The following PAQR9 variants were observed in gnomAD, a reference collection of about 807,000 sequenced individuals.
PAQR9 encodes the protein progestin and adipoQ receptor family member 9, also known as membrane progestin receptor epsilon.
Under a neutral mutation model 24.0 loss-of-function variants are expected in PAQR9, and 12 were observed. The ratio of observed to expected loss-of-function variants is 0.50; its 90% CI spans 0.32 to 0.81. The LOEUF (loss-of-function observed/expected upper bound fraction) is 0.81. Ranked by LOEUF, PAQR9 falls within the 30% of genes least tolerant of loss-of-function variation. The pLI, the probability that PAQR9 is intolerant of heterozygous loss-of-function variation, is 0.03. For synonymous variants in PAQR9, 266 were observed against 237.6 expected (o/e 1.12, Z -1.10); for missense variants, 418 against 520.8 (o/e 0.80, Z 1.92).
chr3:142,963,625 G>C lies in PAQR9; in HGVS notation c.-289C>G. 1 of 714,354 alleles carries C rather than the reference G, an allele frequency of 1.4e-6. No individual in the cohort carries two copies. Among genetic ancestry groups the C allele is most frequent in the Non-Finnish European group, 1.7e-6 (1 of 584,642 alleles). 44.3% of individuals were successfully genotyped at this position (714,354 alleles called of 1,614,324 possible). On this transcript the variant is annotated 5_prime_UTR_variant, in exon 1 of 1. Coordinates refer to ENST00000340634, the MANE Select transcript of PAQR9 (RefSeq NM_198504.4). ...CCGGCGCGCGGCCGCCCGCGCTGCG[G>C]CAGCGGCGGCGGCGCGGCTGACTGC... is the stretch of plus-strand genomic sequence containing the variant.
Position 142,962,917 on chromosome 3 carries a change from G to C in PAQR9, c.420C>G (p.His140Gln), listed in dbSNP as rs1934932191. Reference protein sequence around the residue: ...LLTFAMSCTAHVFSCLSLRLR... With the variant: ...LLTFAMSCTAQVFSCLSLRLR... ...GACGCAGCGACAGGCAGCTGAACAC[G>C]TGCGCCGTGCAGCTCATGGCGAAGG... The change falls in exon 1 of 1, where the codon CAC becomes CAG. Residue 140 changes from histidine to glutamine, a missense_variant. His to Gln is a conservative substitution (Grantham distance 24). Around this residue, in one of 3 missense-constraint regions of PAQR9, gnomAD observed 8 missense variants for 25.3 expected, o/e 0.32. Transcript: ENST00000340634. The C allele has an allele frequency of 6.2e-7, 1 of 1,613,850 alleles. No homozygotes were observed. The highest frequency in any genetic ancestry group is 1.3e-5 in the African/African-American group (1 of 75,068).
At position 142,962,352 on chromosome 3, in the gene PAQR9, C is replaced by T. The variant is rs754864265; in HGVS notation, c.985G>A (p.Val329Ile). The T allele has an allele frequency of 3.1e-6, 5 of 1,613,980 alleles. No individual in the cohort carries two copies. Among genetic ancestry groups the T allele is most frequent in the Non-Finnish European group, 4.2e-6 (5 of 1,180,034 alleles). The change falls in exon 1 of 1, where the codon GTA becomes ATA. Residue 329 changes from valine (V) to isoleucine (I), a missense_variant. By Grantham distance (29) the Val-to-Ile change is conservative. This residue lies in a region of PAQR9 where 230 missense variants were observed against 305.2 expected (regional missense o/e 0.75). Transcript: ENST00000340634. ...FLSIYDQVYY[V>I]EEGLRQFLQA... ...AGGAACTGGCGCAGGCCCTCTTCTA[C>T]GTAGTACACCTGGTCGTAGATGCTG...
rs140332180 is a variant in PAQR9, at chr3:142,957,930, G to A, written c.*4273C>T. Among the ~76,000 whole-genome samples, 6 of 152,266 alleles carry A rather than the reference G, an allele frequency of 3.9e-5. No homozygotes were observed. The highest frequency in any genetic ancestry group is 1.4e-4 in the African/African-American group (6 of 41,548). ...AAGAGACCCAAACTCAGGGACTTAC[G>A]GCATTCTACCTACAGCCAAGGTCAG... On this transcript the variant is annotated 3_prime_UTR_variant, in exon 1 of 1. Coordinates refer to ENST00000340634, the MANE Select transcript of PAQR9 (RefSeq NM_198504.4).
At position 142,962,915 on chromosome 3, in the gene PAQR9, A is replaced by G. The variant is rs750158325; in HGVS notation, c.422T>C (p.Val141Ala). ...CAGACGCAGCGACAGGCAGCTGAACACGTGCGCCGTGCAGCTCATGGCGAA... is the reference window on the plus strand; with the variant it reads ...CAGACGCAGCGACAGGCAGCTGAACGCGTGCGCCGTGCAGCTCATGGCGAA... ...LTFAMSCTAH[V>A]FSCLSLRLRA... The change falls in exon 1 of 1, where the codon GTG becomes GCG. Residue 141 changes from valine to alanine, a missense_variant. Physicochemically the swap from Val to Ala is moderately conservative, Grantham distance 64. Transcript: ENST00000340634. 11 of 1,613,878 alleles carry G rather than the reference A, an allele frequency of 6.8e-6. No individual in the cohort carries two copies. The South Asian group carries it at 1.2e-4, about 18-fold the overall frequency.
chr3:142,950,969 A>G (rs1286147762), downstream of PAQR9, among the ~76,000 whole-genome samples: 3 of 152,256 alleles, frequency 2.0e-5, no homozygotes, highest in Non-Finnish European at 4.4e-5. Context: ...AATACTCTTT[A>G]GTGAATTTTT....
At chr3:142,951,700 C>CAG (rs1934714241), downstream of PAQR9, 5 of 456,406 alleles carry the variant, frequency 1.1e-5, no homozygotes, top group South Asian at 7.7e-5. Context: ...CAGAAAGTGG[C>CAG]AGAACCAGGA....
At position 142,956,516 on chromosome 3, in the gene PAQR9, A is replaced by G. The variant is rs1218588615; in HGVS notation, c.*5687T>C. ...CAAGTGCATTACATTTAGAAGCACAATACATTGGGAAACATTCTCAAAAGC... is the reference window on the plus strand; with the variant it reads ...CAAGTGCATTACATTTAGAAGCACAGTACATTGGGAAACATTCTCAAAAGC... On this transcript the variant is annotated 3_prime_UTR_variant, in exon 1 of 1. Coordinates refer to ENST00000340634, the MANE Select transcript of PAQR9 (RefSeq NM_198504.4). 6.6e-6 allele frequency among the ~76,000 whole-genome samples: 1 copy of G among 152,250 alleles called. No individual in the cohort carries two copies. The highest frequency in any genetic ancestry group is 1.5e-5 in the Non-Finnish European group (1 of 68,050).
Position 142,960,970 on chromosome 3 carries a change from G to A in PAQR9, c.*1233C>T, listed in dbSNP as rs968708597. On this transcript the variant is annotated 3_prime_UTR_variant, in exon 1 of 1. Coordinates refer to ENST00000340634, the MANE Select transcript of PAQR9 (RefSeq NM_198504.4). ...ATATTATGTTTTTAATTTTAAGCAA[G>A]GATGGATGGCATCAGTCTAGAACTT... 1.3e-5 allele frequency: 2 copies of A among 152,226 alleles called. No homozygotes were observed. The highest frequency in any genetic ancestry group is 2.4e-5 in the African/African-American group (1 of 41,448). The allele number at this position is 152,226 out of a possible 1,614,324, so 9.4% of individuals were successfully genotyped here. A position where few individuals can be genotyped will look rare whatever the true frequency, so the allele number is the denominator to read the frequency against.
rs886742566 is a variant in PAQR9, at chr3:142,960,031, T to G, written c.*2172A>C. On this transcript the variant is annotated 3_prime_UTR_variant, in exon 1 of 1. Coordinates refer to ENST00000340634, the MANE Select transcript of PAQR9 (RefSeq NM_198504.4). ...ATTAAGTTACAGCTGAGGAATAACA[T>G]CTGTTGTAAGTACAAATTAGCCTCT... is the stretch of plus-strand genomic sequence containing the variant. Among the ~76,000 whole-genome samples, 4 of 152,212 alleles carry G rather than the reference T, an allele frequency of 2.6e-5. No individual in the cohort carries two copies. The highest frequency in any genetic ancestry group is 4.8e-5 in the African/African-American group (2 of 41,444).
rs1041988930 is a variant in PAQR9 at position 142,959,459 on chromosome 3, A to G, written c.*2744T>C. ...GAAGCCAAACCAGTTTTCAACTAGAATGTCCTCTTGTCATTATTATATGTG... is the reference window on the plus strand; with the variant it reads ...GAAGCCAAACCAGTTTTCAACTAGAGTGTCCTCTTGTCATTATTATATGTG... On this transcript the variant is annotated 3_prime_UTR_variant, in exon 1 of 1. Transcript: ENST00000340634. 1.1e-4 allele frequency among the ~76,000 whole-genome samples: 17 copies of G among 152,220 alleles called. No homozygotes were observed. Among genetic ancestry groups the G allele is most frequent in the African/African-American group, 3.9e-4 (16 of 41,454 alleles).
chr3:142,957,264 G>A lies in PAQR9; in HGVS notation c.*4939C>T, dbSNP rs1033706236. 2.0e-5 allele frequency among the ~76,000 whole-genome samples: 3 copies of A among 152,138 alleles called. No individual in the cohort carries two copies. The highest frequency in any genetic ancestry group is 3.2e-3 in the Middle Eastern group (1 of 316). The stretch of plus-strand genomic sequence containing the variant: ...AACAGAATTCCTTGCCTGTCTACTC[G>A]AACACTAACACCCTGGGAGTTCACA... On this transcript the variant is annotated 3_prime_UTR_variant, in exon 1 of 1. Coordinates refer to ENST00000340634, the MANE Select transcript of PAQR9 (RefSeq NM_198504.4).
In PAQR9 at chr3:142,959,012, CTA is replaced by C. The variant is rs1424927517; in HGVS notation, c.*3189_*3190del. Among the ~76,000 whole-genome samples, 1 of 152,156 alleles carries C rather than the reference CTA, an allele frequency of 6.6e-6. No homozygotes were observed. Among genetic ancestry groups the C allele is most frequent in the Non-Finnish European group, 1.5e-5 (1 of 68,040 alleles). On this transcript the variant is annotated 3_prime_UTR_variant, in exon 1 of 1. Coordinates refer to ENST00000340634, the MANE Select transcript of PAQR9 (RefSeq NM_198504.4). ...ACACCTTCATTTTCCAGGCATGACTCTATGGCGCCGCTCCTTGAGATGTCATC... is the reference window on the plus strand; with the variant it reads ...ACACCTTCATTTTCCAGGCATGACTCTGGCGCCGCTCCTTGAGATGTCATC...
rs1934788993 is a variant in PAQR9, at chr3:142,956,209, C to A, written c.*5994G>T. 6.6e-6 allele frequency among the ~76,000 whole-genome samples: 1 copy of A among 152,192 alleles called. No individual in the cohort carries two copies. The highest frequency in any genetic ancestry group is 6.5e-5 in the Admixed American group (1 of 15,280). On this transcript the variant is annotated 3_prime_UTR_variant, in exon 1 of 1. Transcript: ENST00000340634. ...ATGAAATTGTGTCCCCATGCTTTATCTAGAAACAAGAGTTTATTTACACAG... is the reference window on the plus strand; with the variant it reads ...ATGAAATTGTGTCCCCATGCTTTATATAGAAACAAGAGTTTATTTACACAG...
downstream of PAQR9, chr3:142,950,569 C>A (rs1934699082): frequency 2.2e-6 from 1 of 446,286 alleles, no homozygotes; most frequent in East Asian, 7.0e-5. Flanking sequence ...TGGGAACCTT[C>A]TGATGAGCTT....
rs1934802604 is a variant in PAQR9, at chr3:142,957,146, A to G, written c.*5057T>C. 1.3e-5 allele frequency among the ~76,000 whole-genome samples: 2 copies of G among 152,224 alleles called. No individual in the cohort carries two copies. The highest frequency in any genetic ancestry group is 4.8e-5 in the African/African-American group (2 of 41,450). ...TGTCCTAATTTTATGGAAACAAAGT[A>G]AGGGCTTTAAGCCAGGAGATAAATG... On this transcript the variant is annotated 3_prime_UTR_variant, in exon 1 of 1. Transcript: ENST00000340634.
chr3:142,958,432 C>G lies in PAQR9; in HGVS notation c.*3771G>C, dbSNP rs1283603825. 6.6e-6 allele frequency among the ~76,000 whole-genome samples: 1 copy of G among 152,218 alleles called. No homozygotes were observed. Among genetic ancestry groups the G allele is most frequent in the Non-Finnish European group, 1.5e-5 (1 of 68,050 alleles). On this transcript the variant is annotated 3_prime_UTR_variant, in exon 1 of 1. Coordinates refer to ENST00000340634, the MANE Select transcript of PAQR9 (RefSeq NM_198504.4). ...GAAAACTTAATCCTGTCACCTTGGA[C>G]CAACTATAAAGCTTTGAAATGGAGA...
At position 142,958,746 on chromosome 3, in the gene PAQR9, G is replaced by A. The variant is rs1934834304; in HGVS notation, c.*3457C>T. On this transcript the variant is annotated 3_prime_UTR_variant, in exon 1 of 1. Coordinates refer to ENST00000340634, the MANE Select transcript of PAQR9 (RefSeq NM_198504.4). ...TATGAAGGCCACTCTGTCCAGCTCTGTAGCCCCATACTTTCTCCCTGGGCT... is the reference window on the plus strand; with the variant it reads ...TATGAAGGCCACTCTGTCCAGCTCTATAGCCCCATACTTTCTCCCTGGGCT... Among the ~76,000 whole-genome samples the A allele has an allele frequency of 6.6e-6, 1 of 152,184 alleles. No individual in the cohort carries two copies. The highest frequency in any genetic ancestry group is 2.1e-4 in the South Asian group (1 of 4,828).
chr3:142,962,809 CAG>C lies in PAQR9; in HGVS notation c.526_527del (p.Leu176ValfsTer200). ...CATCCAGCAAGCTGAGGCCTGGCAA[CAG>C]GTAGTAGTAGTAGGCCACCGTGCTG... ...FGSTVAYYYYLLPGLSLLDAR... is the reference protein window; with the variant it reads ...FGSTVAYYYYXLPGLSLLDAR... On this transcript the variant is annotated frameshift_variant, in exon 1 of 1. Coordinates refer to ENST00000340634, the MANE Select transcript of PAQR9 (RefSeq NM_198504.4). LOFTEE classifies it high-confidence loss of function. The C allele has an allele frequency of 6.2e-7, 1 of 1,612,554 alleles. No individual in the cohort carries two copies. The highest frequency in any genetic ancestry group is 8.5e-7 in the Non-Finnish European group (1 of 1,179,616).
chr3:142,963,691 G>C, upstream of PAQR9: 1 of 658,516 alleles, frequency 1.5e-6, no homozygotes, highest in South Asian at 6.8e-5. Context: ...CGCGCGGTGC[G>C]GGTGCCTCCG....
Sources: allele counts gnomAD v4.1 joint callset (sites outside exome capture counted in the v4.1 genomes callset), GRCh38; gene constraint gnomAD v4.1.1; regional missense constraint gnomAD v4.1.1; transcripts MANE v1.5; gene names NCBI Gene and HGNC (gene_info 2026-07-23, HGNC 2026-07-21).